Variants in TLL2 observed in about 807,000 individuals in gnomAD.
TLL2 encodes the protein tolloid-like protein 2.
A neutral mutation model predicts 123.0 loss-of-function variants in TLL2; 106 were observed. The ratio of observed to expected loss-of-function variants is 0.86; its 90% CI spans 0.74 to 1.01. The LOEUF (loss-of-function observed/expected upper bound fraction) is 1.01. Ranked by LOEUF, TLL2 falls within the 50% of genes least tolerant of loss-of-function variation. TLL2 has a pLI of 0.00. For synonymous variants in TLL2, 494 were observed against 516.8 expected (o/e 0.96, Z 0.60); for missense variants, 1,332 against 1,336.7 (o/e 1.00, Z 0.06).
chr10:96,449,900 C>G (rs992087016), intron 2 of TLL2, among the ~76,000 whole-genome samples: 3 of 152,312 alleles, frequency 2.0e-5, no homozygotes, highest in South Asian at 2.1e-4. Context: ...TATCCGCCCC[C>G]CTGCTCCTCT....
At chr10:96,376,543 A>G in intron 18 of TLL2, 149 bp downstream of exon 18, 2 of 825,620 alleles carry the variant, frequency 2.4e-6, no homozygotes, top group Non-Finnish European at 1.8e-6. Context: ...CTTCATTAGT[A>G]TCCATGTTTT....
chr10:96,453,256 G>C (rs1846979390), intron 2 of TLL2, among the ~76,000 whole-genome samples: 2 of 152,098 alleles, frequency 1.3e-5, no homozygotes, highest in Non-Finnish European at 1.5e-5. Context: ...AGGAGTTCAA[G>C]ACCAACCTGC....
chr10:96,379,620 G>A (rs1204319651), intron 16 of TLL2, among the ~76,000 whole-genome samples: 6 of 152,246 alleles, frequency 3.9e-5, no homozygotes, highest in East Asian at 1.9e-4. Context: ...TTGGGAGTTC[G>A]AGACCAGCCT....
chr10:96,512,942 C>G (rs1029835069), intron 1 of TLL2, among the ~76,000 whole-genome samples: 1 of 152,382 alleles, frequency 6.6e-6, no homozygotes, highest in African/African-American at 2.4e-5. Context: ...ACCCTCAGGC[C>G]GGTACCGCTA....
At position 96,502,911 on chromosome 10, in the gene TLL2, C is replaced by T. The variant is rs139333830; in HGVS notation, c.175+10600G>A. Among the ~76,000 whole-genome samples the T allele has an allele frequency of 3.1e-3, 472 of 150,822 alleles. 3 individuals are homozygous for T. Among genetic ancestry groups the T allele is most frequent in the African/African-American group, 0.011 (453 of 41,444 alleles). The stretch of plus-strand genomic sequence containing the variant: ...GAACATCTCCACTCAAGTGCTCATG[C>T]GGGCGAGCTTGAGAATATTTATTGG... On this transcript the variant is annotated intron_variant, in intron 1 of 20. Coordinates refer to ENST00000357947, the MANE Select transcript of TLL2 (RefSeq NM_012465.4).
At position 96,371,416 on chromosome 10, in the gene TLL2, AG is replaced by A. The variant is rs1399976685; in HGVS notation, c.2663-1102del. ...AAATTCTGGAAGCAAATTCTTGCACAGCCCCTCCCCAGTGTGCTCCATGCCC... is the reference window on the plus strand; with the variant it reads ...AAATTCTGGAAGCAAATTCTTGCACACCCCTCCCCAGTGTGCTCCATGCCC... On this transcript the variant is annotated intron_variant, in intron 19 of 20. Transcript: ENST00000357947. Among the ~76,000 whole-genome samples the A allele has an allele frequency of 9.2e-5, 14 of 152,326 alleles. No individual in the cohort carries two copies. The South Asian group carries it at 2.3e-3, about 25-fold the overall frequency.
Position 96,370,067 on chromosome 10 carries a change from C to A in TLL2, c.2911G>T (p.Gly971Trp). 5 of 1,586,960 alleles carry A rather than the reference C, an allele frequency of 3.2e-6. No individual in the cohort carries two copies. Among genetic ancestry groups the A allele is most frequent in the Non-Finnish European group, 4.3e-6 (5 of 1,166,306 alleles). Residue 971 changes from glycine to tryptophan, a missense_variant and splice_region_variant, in exon 20 of 21, where the codon GGG becomes TGG. Coordinates refer to ENST00000357947, the MANE Select transcript of TLL2 (RefSeq NM_012465.4). ...APRLGRFCGS[G>W]PLEEIYSAGD... Reference sequence around the variant, plus strand: ...GCCCCAGCGTCTCCGGGACTTACCCCAGAGCCACAGAAGCGGCCGAGCCTG... The same window carrying A: ...GCCCCAGCGTCTCCGGGACTTACCCAAGAGCCACAGAAGCGGCCGAGCCTG...
chr10:96,501,525 C>T (rs1311831083), intron 1 of TLL2, among the ~76,000 whole-genome samples: 1 of 152,232 alleles, frequency 6.6e-6, no homozygotes, highest in Admixed American at 6.5e-5. Context: ...AATAGCTCCC[C>T]ATTTCCTTAG....
intron 14 of TLL2, 63 bp downstream of exon 14, chr10:96,386,890 C>T (rs1554932083): frequency 6.3e-7 from 1 of 1,595,004 alleles, no homozygotes; most frequent in Non-Finnish European, 8.6e-7. Context: ...CATCTCTGCC[C>T]CACTTCCCCA....
intron 8 of TLL2, among the ~76,000 whole-genome samples, chr10:96,412,250 G>T (rs1016329457): frequency 1.3e-5 from 2 of 152,168 alleles, no homozygotes; most frequent in African/African-American, 4.8e-5. Context: ...CTCGGGTCCT[G>T]CTTAGTAAGG....
chr10:96,489,335 T>G (rs1847389333), intron 1 of TLL2, among the ~76,000 whole-genome samples: 1 of 152,170 alleles, frequency 6.6e-6, no homozygotes, highest in Admixed American at 6.5e-5. Context: ...GAGACCAGCC[T>G]GGGCAACAAC....
At chr10:96,438,439 G>C (rs931109923) in intron 3 of TLL2, among the ~76,000 whole-genome samples, 1 of 152,160 alleles carries the variant, frequency 6.6e-6, no homozygotes, top group African/African-American at 2.4e-5. Flanking sequence ...ATAGAAATGT[G>C]AGCCATTATA....
chr10:96,383,065 G>T (rs1190400777), intron 16 of TLL2, among the ~76,000 whole-genome samples: 1 of 151,446 alleles, frequency 6.6e-6, no homozygotes, highest in Non-Finnish European at 1.5e-5. Context: ...GAAGGTGATG[G>T]TGTGGGGGAA....
intron 1 of TLL2, among the ~76,000 whole-genome samples, chr10:96,484,095 C>T (rs1847336284): frequency 2.0e-5 from 3 of 152,292 alleles, no homozygotes; most frequent in Non-Finnish European, 2.9e-5. Context: ...CCTCCTGCCT[C>T]GGCCTCCCAA....
rs780193116 is a variant in TLL2, at chr10:96,373,732, G to A, written c.2526C>T (p.Ser842=). 6.2e-7 allele frequency: 1 copy of A among 1,614,244 alleles called. No individual in the cohort carries two copies. Among genetic ancestry groups the A allele is most frequent in the Non-Finnish European group, 8.5e-7 (1 of 1,180,040 alleles). Reference sequence around the variant, plus strand: ...AGAAACGGCCCAGAATGGGGGCCAGGCTGTCCGGCCCGTCATACATTTCCA... The same window carrying A: ...AGAAACGGCCCAGAATGGGGGCCAGACTGTCCGGCCCGTCATACATTTCCA... ...DHLEMYDGPD[S]LAPILGRFCG... Residue 842 remains serine (S), a synonymous_variant, in exon 19 of 21, where the codon AGC becomes AGT. Transcript: ENST00000357947.
chr10:96,483,165 T>G (rs57693102), intron 1 of TLL2, among the ~76,000 whole-genome samples: 1 of 152,038 alleles, frequency 6.6e-6, no homozygotes, highest in African/African-American at 2.4e-5. Context: ...AAATGACCCT[T>G]GGGCCTCCAT....
intron 4 of TLL2, among the ~76,000 whole-genome samples, chr10:96,429,322 C>A (rs547941816): frequency 6.6e-6 from 1 of 150,676 alleles, no homozygotes; most frequent in Non-Finnish European, 1.5e-5. Flanking sequence ...ATGTTGTATA[C>A]CTTGAATATA....
At chr10:96,379,835 A>C (rs1424103096) in intron 16 of TLL2, among the ~76,000 whole-genome samples, 1 of 152,106 alleles carries the variant, frequency 6.6e-6, no homozygotes, top group African/African-American at 2.4e-5. Context: ...AAACAAAACA[A>C]AACAAAAACA....
At chr10:96,408,707 G>C (rs762496690) in intron 9 of TLL2, among the ~76,000 whole-genome samples, 7 of 152,226 alleles carry the variant, frequency 4.6e-5, no homozygotes, top group Non-Finnish European at 8.8e-5. Flanking sequence ...ATGTATACAT[G>C]TGTGCCCACA....
Sources: gnomAD v4.1 joint callset for allele counts (sites outside exome capture counted in the v4.1 genomes callset) on GRCh38, gnomAD v4.1.1 for gene constraint, MANE v1.5 for transcripts, NCBI Gene and HGNC (gene_info 2026-07-23, HGNC 2026-07-21) for gene names.